AGBL4: variants seen among roughly 807,000 people sequenced by gnomAD.
AGBL4 encodes cytosolic carboxypeptidase 6.
In AGBL4, 58 loss-of-function variants were observed where a neutral mutation model predicts 66.4. That is an observed-to-expected ratio of 0.87 (90% CI 0.71 to 1.09). The LOEUF (loss-of-function observed/expected upper bound fraction) is 1.09. Ranked by LOEUF, AGBL4 falls within the 50% of genes least tolerant of loss-of-function variation. The pLI is 0.00. For missense variants in AGBL4, 579 were observed against 631.0 expected (o/e 0.92, Z 0.88); for synonymous variants, 234 against 222.9 (o/e 1.05, Z -0.44).
At chr1:48,872,832 C>T (rs556540288) in intron 5 of AGBL4, among the ~76,000 whole-genome samples, 2 of 152,138 alleles carry the variant, frequency 1.3e-5, no homozygotes, top group Non-Finnish European at 2.9e-5. Context: ...AAAGAGCGTA[C>T]GCCAACCCCC....
At chr1:49,728,071 G>C (rs1649163817) in intron 2 of AGBL4, among the ~76,000 whole-genome samples, 2 of 152,066 alleles carry the variant, frequency 1.3e-5, no homozygotes, top group South Asian at 4.1e-4. Flanking sequence ...TAGCCCCAAA[G>C]TAGTTTTCAA....
intron 1 of AGBL4, among the ~76,000 whole-genome samples, chr1:50,019,816 T>C (rs1662306846): frequency 6.6e-6 from 1 of 152,122 alleles, no homozygotes; most frequent in African/African-American, 2.4e-5. Flanking sequence ...AGGTGCAATC[T>C]AGCATGAGAC....
At chr1:48,876,381 C>T (rs12142688) in intron 5 of AGBL4, among the ~76,000 whole-genome samples, 25,631 of 152,070 alleles carry the variant, frequency 0.17, 2,727 homozygotes, top group East Asian at 0.42. Context: ...ATTTCACTTT[C>T]CTTTGCTCTG....
intron 3 of AGBL4, among the ~76,000 whole-genome samples, chr1:49,373,277 C>T (rs1476261361): frequency 6.6e-6 from 1 of 152,168 alleles, no homozygotes; most frequent in Non-Finnish European, 1.5e-5. Flanking sequence ...TATCACTTAA[C>T]TCATGGCCTG....
rs376238948 is a variant in AGBL4, at chr1:49,567,599, G to C, written c.282+129714C>G. Reference sequence around the variant, plus strand: ...TTTATTTTGTTATTTTTCAGTTCCTGGGTACATGTGCAGGTTTGTTACATA... The same window carrying C: ...TTTATTTTGTTATTTTTCAGTTCCTCGGTACATGTGCAGGTTTGTTACATA... On this transcript the variant is annotated intron_variant, in intron 3 of 13. Coordinates refer to ENST00000371839, the MANE Select transcript of AGBL4 (RefSeq NM_032785.4). Among the ~76,000 whole-genome samples, 50 of 152,112 alleles carry C rather than the reference G, an allele frequency of 3.3e-4. 1 individual carries two copies. The South Asian group carries it at 9.6e-3, about 29-fold the overall frequency.
chr1:48,608,484 T>C (rs1367939826), intron 9 of AGBL4, among the ~76,000 whole-genome samples: 1 of 152,162 alleles, frequency 6.6e-6, no homozygotes, highest in Non-Finnish European at 1.5e-5. Flanking sequence ...GTAACTTGAA[T>C]GGCTCTATGT....
chr1:49,946,318 A>G (rs754202173), intron 1 of AGBL4, among the ~76,000 whole-genome samples: 61 of 152,056 alleles, frequency 4.0e-4, no homozygotes, highest in Non-Finnish European at 8.5e-4. Flanking sequence ...CTACAAAACA[A>G]GCCTCAATAA....
intron 3 of AGBL4, among the ~76,000 whole-genome samples, chr1:49,639,296 G>A (rs1306436254): frequency 1.3e-5 from 2 of 152,146 alleles, no homozygotes; most frequent in Non-Finnish European, 2.9e-5. Flanking sequence ...TGGAAAGGTA[G>A]GACAGTAATT....
At chr1:49,261,537 C>A (rs1653169497) in intron 3 of AGBL4, among the ~76,000 whole-genome samples, 1 of 149,988 alleles carries the variant, frequency 6.7e-6, no homozygotes, top group Admixed American at 6.6e-5. Flanking sequence ...AGAGCCAAAT[C>A]ATGAGTGAAC....
chr1:49,422,425 C>T (rs961317266), intron 3 of AGBL4, among the ~76,000 whole-genome samples: 1 of 152,086 alleles, frequency 6.6e-6, no homozygotes, highest in African/African-American at 2.4e-5. Context: ...GAATAAAGTT[C>T]TCAACTAGGT....
intron 3 of AGBL4, among the ~76,000 whole-genome samples, chr1:49,428,460 T>C (rs1049527400): frequency 4.6e-5 from 7 of 152,064 alleles, no homozygotes; most frequent in African/African-American, 1.7e-4. Flanking sequence ...TGACCAGAGA[T>C]TCACAGAAAA....
chr1:49,163,759 GAT>G (rs751864589), intron 4 of AGBL4, among the ~76,000 whole-genome samples: 6 of 152,198 alleles, frequency 3.9e-5, no homozygotes, highest in Non-Finnish European at 7.3e-5. Flanking sequence ...CTAAAGAAGA[GAT>G]AGTTTACCAG....
At chr1:49,733,547 A>G (rs1221921106) in intron 2 of AGBL4, among the ~76,000 whole-genome samples, 1 of 152,150 alleles carries the variant, frequency 6.6e-6, no homozygotes, top group Non-Finnish European at 1.5e-5. Flanking sequence ...TCCAAGATGA[A>G]GGAGCCAGTG....
intron 3 of AGBL4, among the ~76,000 whole-genome samples, chr1:49,560,293 G>C (rs1644005998): frequency 6.6e-6 from 1 of 152,068 alleles, no homozygotes; most frequent in African/African-American, 2.4e-5. Context: ...AATTTGAAAA[G>C]AATCAAGCAG....
intron 1 of AGBL4, among the ~76,000 whole-genome samples, chr1:49,927,678 C>CA (rs199530205): frequency 0.067 from 7,324 of 109,850 alleles, 523 homozygotes; most frequent in African/African-American, 0.2. Flanking sequence ...TCAGAGGAGA[C>CA]AAAAAAAAAA....
At position 49,063,809 on chromosome 1, in the gene AGBL4, C is replaced by G. The variant is rs36125045; in HGVS notation, c.378-18009G>C. On this transcript the variant is annotated intron_variant, in intron 4 of 13. Transcript: ENST00000371839. ...TTGGATTTCTGGAGGAAGACTGTTGCATGCGGAGGGAATAGCAAGTGCCAT... is the reference window on the plus strand; with the variant it reads ...TTGGATTTCTGGAGGAAGACTGTTGGATGCGGAGGGAATAGCAAGTGCCAT... 5.6e-3 allele frequency among the ~76,000 whole-genome samples: 860 copies of G among 152,284 alleles called. 4 individuals are homozygous for G. Among genetic ancestry groups the G allele is most frequent in the Middle Eastern group, 0.048 (14 of 294 alleles).
At position 49,348,839 on chromosome 1, in the gene AGBL4, G is replaced by C. The variant is rs145835585; in HGVS notation, c.283-102975C>G. ...AAAAGGAATTTTAAATAGTGTCCAG[G>C]TCTGCCACAGGACAAGGCATTAGGA... On this transcript the variant is annotated intron_variant, in intron 3 of 13. Transcript: ENST00000371839. Among the ~76,000 whole-genome samples the C allele has an allele frequency of 2.7e-3, 416 of 152,254 alleles. 5 individuals carry two copies. Among genetic ancestry groups the C allele is most frequent in the Non-Finnish European group, 5.6e-4 (38 of 68,022 alleles).
At chr1:49,792,015 AC>A (rs1464988644) in intron 2 of AGBL4, among the ~76,000 whole-genome samples, 1 of 152,054 alleles carries the variant, frequency 6.6e-6, no homozygotes, top group East Asian at 1.9e-4. Flanking sequence ...ACATAAAATT[AC>A]CCCAGTAAAT....
intron 3 of AGBL4, among the ~76,000 whole-genome samples, chr1:49,645,205 C>T (rs1645860865): frequency 6.6e-6 from 1 of 151,404 alleles, no homozygotes; most frequent in Non-Finnish European, 1.5e-5. Context: ...GAGAACATTA[C>T]ACTCAATGTA....
Sources: gnomAD v4.1 joint callset for allele counts (sites outside exome capture counted in the v4.1 genomes callset) on GRCh38, gnomAD v4.1.1 for gene constraint, MANE v1.5 for transcripts, NCBI Gene and HGNC (gene_info 2026-07-23, HGNC 2026-07-21) for gene names.